FANCC: variants seen among roughly 807,000 people sequenced by gnomAD.
FANCC encodes the protein FA complementation group C.
A neutral mutation model predicts 71.3 loss-of-function variants in FANCC; 55 were observed. That is an observed-to-expected ratio of 0.77 (90% CI 0.62 to 0.97). The LOEUF (loss-of-function observed/expected upper bound fraction) is 0.97, where lower values mean the gene tolerates loss of function less well. FANCC is among the 50% of genes least tolerant of loss of function. The pLI is 0.00. For synonymous variants in FANCC, 275 were observed against 244.9 expected (o/e 1.12, Z -1.15); for missense variants, 678 against 670.9 (o/e 1.01, Z -0.12).
chr9:95,114,659 A>T lies in FANCC; in HGVS notation c.1124T>A (p.Leu375His). 6.2e-7 allele frequency: 1 copy of T among 1,614,120 alleles called. No individual in the cohort carries two copies. The highest frequency in any genetic ancestry group is 1.7e-5 in the Admixed American group (1 of 60,028). ...LQTLKHISEL[L>H]REAVEDQTHG... ...AGTCTGGTCTTCAACTGCTTCTCTG[A>T]GCAGTTCAGAAATATGCTTCAGTGT... is the stretch of plus-strand genomic sequence containing the variant. The change falls in exon 12 of 15, where the codon CTC (leucine) becomes CAC (histidine). Residue 375 changes from leucine to histidine, a missense_variant. By Grantham distance (99) the Leu-to-His change is moderately conservative. Coordinates refer to ENST00000289081, the MANE Select transcript of FANCC (RefSeq NM_000136.3).
intron 8 of FANCC, among the ~76,000 whole-genome samples, chr9:95,133,679 A>G (rs1588129136): frequency 2.0e-5 from 3 of 152,328 alleles, no homozygotes; most frequent in African/African-American, 2.4e-5. Flanking sequence ...GAATTTTTCA[A>G]TAGGGAGAAG....
chr9:95,107,318 A>C (rs377224615), intron 13 of FANCC, 49 bp from the exon 14 acceptor site: 40 of 1,567,844 alleles, frequency 2.6e-5, no homozygotes, highest in Non-Finnish European at 1.3e-5. Flanking sequence ...GGCAGGACAG[A>C]CATACTTCTA....
chr9:95,248,196 T>C (rs1039142391), intron 2 of FANCC, among the ~76,000 whole-genome samples: 1 of 152,218 alleles, frequency 6.6e-6, no homozygotes, highest in African/African-American at 2.4e-5. Flanking sequence ...CTTGTTACCT[T>C]TCATAAAATT....
rs77606197 is a variant in FANCC, at chr9:95,229,443, C to T, written c.345+11206G>A. ...GTAGGAAGTGGTCAGATTCTGGACA[C>T]GTGTCACAGATAAAATCAACAGACT... On this transcript the variant is annotated intron_variant, in intron 4 of 14. Coordinates refer to ENST00000289081, the MANE Select transcript of FANCC (RefSeq NM_000136.3). Among the ~76,000 whole-genome samples, 510 of 152,006 alleles carry T rather than the reference C, an allele frequency of 3.4e-3. 9 individuals carry two copies. In the East Asian group the frequency reaches 0.044, roughly 13 times the overall value.
chr9:95,121,797 GTCATATATA>G (rs1021259497), intron 10 of FANCC, among the ~76,000 whole-genome samples: 36 of 151,688 alleles, frequency 2.4e-4, no homozygotes, highest in African/African-American at 8.5e-4. Context: ...TGTTTAGGCA[GTCATATATA>G]TGTGATCAAA....
intron 4 of FANCC, among the ~76,000 whole-genome samples, chr9:95,172,861 T>G (rs1017035679): frequency 6.6e-6 from 1 of 151,992 alleles, no homozygotes; most frequent in Non-Finnish European, 1.5e-5. Flanking sequence ...ATCCTGGGAG[T>G]AAATCATCAG....
chr9:95,220,965 C>T (rs7043963), intron 4 of FANCC, among the ~76,000 whole-genome samples: 1 of 152,082 alleles, frequency 6.6e-6, no homozygotes, highest in African/African-American at 2.4e-5. Flanking sequence ...GGCGTGGTGG[C>T]TCATTCCTGT....
intron 4 of FANCC, among the ~76,000 whole-genome samples, chr9:95,190,292 A>G (rs1473529860): frequency 1.3e-5 from 2 of 152,160 alleles, no homozygotes; most frequent in African/African-American, 4.8e-5. Context: ...CCTCCGCAGC[A>G]GTGACCCGCG....
At chr9:95,225,275 C>A (rs971543113) in intron 4 of FANCC, among the ~76,000 whole-genome samples, 1 of 152,190 alleles carries the variant, frequency 6.6e-6, no homozygotes, top group Non-Finnish European at 1.5e-5. Context: ...CCACTACAGA[C>A]GTCACTGTTT....
intron 6 of FANCC, 152 bp from the exon 7 acceptor site, chr9:95,150,239 T>C (rs946910433): frequency 2.8e-6 from 2 of 723,656 alleles, no homozygotes; most frequent in Non-Finnish European, 4.7e-6. Flanking sequence ...TGAACACTTC[T>C]CTTTTATCCA....
intron 6 of FANCC, among the ~76,000 whole-genome samples, chr9:95,152,748 T>G (rs1021218226): frequency 1.1e-4 from 16 of 152,178 alleles, no homozygotes; most frequent in Admixed American, 9.2e-4. Flanking sequence ...CCGAGTAGAC[T>G]GCACCTAATG....
intron 7 of FANCC, 70 bp from the exon 8 acceptor site, chr9:95,135,572 CA>C (rs1827553597): frequency 7.3e-7 from 1 of 1,369,378 alleles, no homozygotes; most frequent in Non-Finnish European, 1.0e-6. Context: ...AAAAAAAGTT[CA>C]AAATGCAATC....
At chr9:95,114,843 C>T (rs1373667583) in intron 11 of FANCC, 133 bp from the exon 12 acceptor site, 4 of 761,570 alleles carry the variant, frequency 5.3e-6, no homozygotes, top group Non-Finnish European at 7.0e-6. Flanking sequence ...CAATACTGTT[C>T]TCATGCTTTT....
At chr9:95,289,839 T>G (rs150630291) in intron 1 of FANCC, among the ~76,000 whole-genome samples, 6 of 152,064 alleles carry the variant, frequency 3.9e-5, no homozygotes, top group African/African-American at 4.8e-5. Context: ...TTTTATTTTT[T>G]GTGGAGACAG....
intron 1 of FANCC, among the ~76,000 whole-genome samples, chr9:95,306,381 C>A (rs1835069943): frequency 6.6e-6 from 1 of 152,106 alleles, no homozygotes. Flanking sequence ...ACTGGTTGGG[C>A]AGTATTCAAA....
At chr9:95,314,570 T>G (rs1835623021) in intron 1 of FANCC, among the ~76,000 whole-genome samples, 1 of 151,960 alleles carries the variant, frequency 6.6e-6, no homozygotes, top group Non-Finnish European at 1.5e-5. Context: ...AAGAATCGCT[T>G]GAACCCGGGA....
At chr9:95,226,615 T>TA (rs1294353120) in intron 4 of FANCC, among the ~76,000 whole-genome samples, 2 of 152,112 alleles carry the variant, frequency 1.3e-5, no homozygotes, top group Non-Finnish European at 2.9e-5. Context: ...ATCTTCCCCT[T>TA]ATACTTCTCA....
At chr9:95,199,451 G>A (rs977912258) in intron 4 of FANCC, among the ~76,000 whole-genome samples, 2 of 151,906 alleles carry the variant, frequency 1.3e-5, no homozygotes, top group African/African-American at 2.4e-5. Flanking sequence ...ACTAAAGCCC[G>A]AATTGCTCTT....
intron 1 of FANCC, among the ~76,000 whole-genome samples, chr9:95,278,761 TG>T (rs1833195529): frequency 6.6e-6 from 1 of 152,166 alleles, no homozygotes; most frequent in African/African-American, 2.4e-5. Flanking sequence ...AAAAATCATA[TG>T]TATAGGAGTA....
Sources: gnomAD v4.1 joint callset for allele counts (sites outside exome capture counted in the v4.1 genomes callset) on GRCh38, gnomAD v4.1.1 for gene constraint, MANE v1.5 for transcripts, NCBI Gene and HGNC (gene_info 2026-07-23, HGNC 2026-07-21) for gene names.